DEFB114: variants seen among roughly 807,000 people sequenced by gnomAD.
DEFB114 encodes the protein defensin beta 114, also known as beta-defensin 114.
DEFB114 carries 4 observed loss-of-function variants against 2.4 expected under a neutral mutation model. That is an observed-to-expected ratio of 1.67 (90% CI 0.82 to 3.82). The LOEUF (loss-of-function observed/expected upper bound fraction) is 3.82, where lower values mean the gene tolerates loss of function less well. DEFB114 is among the 30% of genes most tolerant of loss of function. The pLI is 0.01. For missense variants in DEFB114, 113 were observed against 85.8 expected, an observed-to-expected ratio of 1.32 and a Z score of -1.25; for synonymous variants, 35 against 24.6, an observed-to-expected ratio of 1.42 and a Z score of -1.26.
intron 1 of DEFB114, among the ~76,000 whole-genome samples, chr6:49,963,503 G>T (rs1294150708): frequency 6.7e-6 from 1 of 149,442 alleles, no homozygotes; most frequent in Admixed American, 6.7e-5. Context: ...TAAAATTTTA[G>T]TTACATTTTT....
At chr6:49,963,259 A>G (rs1773491158) in intron 1 of DEFB114, among the ~76,000 whole-genome samples, 1 of 150,146 alleles carries the variant, frequency 6.7e-6, no homozygotes, top group Non-Finnish European at 1.5e-5. Context: ...TTCTCCCATG[A>G]TCTTTTTGAT....
chr6:49,963,959 G>A, intron 1 of DEFB114, 92 bp downstream of exon 1: 1 of 893,616 alleles, frequency 1.1e-6, no homozygotes, highest in Non-Finnish European at 1.7e-6. Context: ...TGATAAGATT[G>A]CATTAAAAAT....
rs573921159 is a variant in DEFB114 at position 49,963,986 on chromosome 6, A to G, written c.55+65T>C. ...ATTAAAAATTTGCATTCTACAATTA[A>G]TAATTTATTATTTCTATTTCTAGTG... On this transcript the variant is annotated intron_variant, in intron 1 of 1. Transcript: ENST00000322066. 7.3e-5 allele frequency: 90 copies of G among 1,230,210 alleles called. No individual in the cohort carries two copies. The South Asian group carries it at 1.1e-3, about 15-fold the overall frequency. 76.2% of individuals were successfully genotyped at this position (1,230,210 alleles called of 1,614,324 possible). A position where few individuals can be genotyped will look rare whatever the true frequency, so the allele number is the denominator to read the frequency against.
In DEFB114 at chr6:49,964,120, T is replaced by C. The variant is rs1386200542; in HGVS notation, c.-15A>G. ...AAGATCCTCATTCTGTAGAAAGAAG[T>C]TGTTGAAAGACTTGATAACAGAATA... On this transcript the variant is annotated 5_prime_UTR_variant, in exon 1 of 2. Coordinates refer to ENST00000322066, the MANE Select transcript of DEFB114 (RefSeq NM_001037499.2). The C allele has an allele frequency of 6.4e-7, 1 of 1,569,246 alleles. No individual in the cohort carries two copies. The highest frequency in any genetic ancestry group is 8.7e-7 in the Non-Finnish European group (1 of 1,152,348).
chr6:49,963,188 GA>G (rs1773490205), intron 1 of DEFB114, among the ~76,000 whole-genome samples: 1 of 149,912 alleles, frequency 6.7e-6, no homozygotes, highest in Admixed American at 6.7e-5. Context: ...AACTGATCAG[GA>G]CATTACAAGA....
intron 1 of DEFB114, among the ~76,000 whole-genome samples, chr6:49,961,071 G>A (rs1202866020): frequency 1.3e-5 from 2 of 150,492 alleles, no homozygotes; most frequent in Non-Finnish European, 3.0e-5. Flanking sequence ...AAAATATATT[G>A]TGGATAGTAA....
chr6:49,960,850 A>G (rs1773446942), intron 1 of DEFB114, among the ~76,000 whole-genome samples: 1 of 150,910 alleles, frequency 6.6e-6, no homozygotes, highest in Admixed American at 6.6e-5. Context: ...TAATACTTAT[A>G]TGATATATCC....
intron 1 of DEFB114, among the ~76,000 whole-genome samples, chr6:49,960,655 TA>T (rs909032458): frequency 3.3e-5 from 5 of 150,918 alleles, no homozygotes; most frequent in African/African-American, 1.2e-4. Context: ...TATATAAAAT[TA>T]AAACTTGTTT....
chr6:49,962,413 T>C (rs1773477528), intron 1 of DEFB114, among the ~76,000 whole-genome samples: 1 of 150,460 alleles, frequency 6.6e-6, no homozygotes, highest in African/African-American at 2.4e-5. Context: ...ATTTAGAAAG[T>C]GATCCATCTT....
intron 1 of DEFB114, among the ~76,000 whole-genome samples, chr6:49,963,168 C>T (rs1399869004): frequency 6.7e-6 from 1 of 149,930 alleles, no homozygotes; most frequent in East Asian, 1.9e-4. Context: ...TCAACAATAC[C>T]TGGTACTAAA....
At chr6:49,960,694 A>G (rs2113911535) in intron 1 of DEFB114, among the ~76,000 whole-genome samples, 1 of 150,880 alleles carries the variant, frequency 6.6e-6, no homozygotes. Flanking sequence ...TAAAAACTTC[A>G]TGACACATAT....
intron 1 of DEFB114, among the ~76,000 whole-genome samples, chr6:49,963,133 G>A (rs1026516470): frequency 2.0e-5 from 3 of 150,000 alleles, no homozygotes; most frequent in Admixed American, 2.0e-4. Context: ...AAAATAAAAG[G>A]ATGTTTCTAA....
At chr6:49,963,624 C>A (rs1030980321) in intron 1 of DEFB114, among the ~76,000 whole-genome samples, 6 of 149,854 alleles carry the variant, frequency 4.0e-5, no homozygotes, top group African/African-American at 9.7e-5. Flanking sequence ...AAAATATTTT[C>A]TAATATCCAT....
intron 1 of DEFB114, among the ~76,000 whole-genome samples, chr6:49,961,037 A>T (rs577086300): frequency 3.6e-4 from 54 of 150,892 alleles, no homozygotes; most frequent in African/African-American, 1.3e-3. Flanking sequence ...ATTTTTTAAA[A>T]TTAATAAGTT....
Position 49,960,344 on chromosome 6 carries a change from G to A in DEFB114, c.158C>T (p.Pro53Leu), listed in dbSNP as rs1455003471. ...SEKQIDICSL[P>L]RKICCTEKLY... is the part of the protein sequence containing the mutation. ...TTTCTCAGTGCAGCAAATTTTTCTT[G>A]GTAAGGAACATATGTCTATTTGCTT... Residue 53 changes from proline (P) to leucine (L), a missense_variant, in exon 2 of 2, where the codon CCA (proline) becomes CTA (leucine). Pro to Leu is a moderately conservative substitution (Grantham distance 98, BLOSUM62 -3). Coordinates refer to ENST00000322066, the MANE Select transcript of DEFB114 (RefSeq NM_001037499.2). 4 of 1,606,018 alleles carry A rather than the reference G, an allele frequency of 2.5e-6. No individual in the cohort carries two copies. The highest frequency in any genetic ancestry group is 1.4e-5 in the African/African-American group (1 of 74,022).
At chr6:49,962,530 T>G (rs530999629) in intron 1 of DEFB114, among the ~76,000 whole-genome samples, 3 of 150,440 alleles carry the variant, frequency 2.0e-5, no homozygotes, top group Non-Finnish European at 4.5e-5. Context: ...CATATTTTTC[T>G]CCATATAGAG....
intron 1 of DEFB114, among the ~76,000 whole-genome samples, chr6:49,961,583 A>G (rs1773462063): frequency 6.6e-6 from 1 of 150,868 alleles, no homozygotes. Context: ...AGTGTGTAAT[A>G]GAAACAGCAG....
At chr6:49,963,882 T>G (rs1327069571) in intron 1 of DEFB114, among the ~76,000 whole-genome samples, 169 bp downstream of exon 1, 2 of 150,090 alleles carry the variant, frequency 1.3e-5, no homozygotes, top group Non-Finnish European at 3.0e-5. Context: ...GTGGGTACAG[T>G]ACACCAGTAT....
rs561311999 is a variant in DEFB114 at position 49,962,770 on chromosome 6, A to T, written c.55+1281T>A. 1.6e-3 allele frequency among the ~76,000 whole-genome samples: 238 copies of T among 150,238 alleles called. 3 individuals carry two copies. Among genetic ancestry groups the T allele is most frequent in the African/African-American group, 5.6e-3 (232 of 41,304 alleles). ...TGGTAAGAGGCAATAGTCAAGCTTC[A>T]TTTTTTCTTCATATGGCTATGCAAT... On this transcript the variant is annotated intron_variant, in intron 1 of 1. Coordinates refer to ENST00000322066, the MANE Select transcript of DEFB114 (RefSeq NM_001037499.2).
Sources: allele counts gnomAD v4.1 joint callset (sites outside exome capture counted in the v4.1 genomes callset), GRCh38; gene constraint gnomAD v4.1.1; transcripts MANE v1.5; gene names NCBI Gene and HGNC (gene_info 2026-07-23, HGNC 2026-07-21).